The following CD247 variants were observed in gnomAD, a reference collection of about 807,000 sequenced individuals.
CD247 encodes the protein CD247 molecule.
A neutral mutation model predicts 30.0 loss-of-function variants in CD247; 13 were observed. The ratio of observed to expected loss-of-function variants is 0.43; its 90% CI spans 0.28 to 0.69. The LOEUF is 0.69. CD247 is among the 30% of genes least tolerant of loss of function. CD247 has a pLI of 0.16. For synonymous variants in CD247, 72 were observed against 80.0 expected, an observed-to-expected ratio of 0.90 and a Z score of 0.53; for missense variants, 193 against 212.6, an observed-to-expected ratio of 0.91 and a Z score of 0.57.
intron 1 of CD247, among the ~76,000 whole-genome samples, chr1:167,460,286 C>T (rs927022503): frequency 6.6e-6 from 1 of 152,112 alleles, no homozygotes; most frequent in Non-Finnish European, 1.5e-5. Flanking sequence ...CCTGTAGTCC[C>T]AGCTACTCGG....
At chr1:167,514,230 G>A (rs988457501) in intron 1 of CD247, among the ~76,000 whole-genome samples, 8 of 152,020 alleles carry the variant, frequency 5.3e-5, no homozygotes, top group African/African-American at 9.7e-5. Context: ...TCCGCCTCCC[G>A]GGTTCAAGGG....
At chr1:167,481,325 G>T (rs1653965729) in intron 1 of CD247, among the ~76,000 whole-genome samples, 1 of 152,170 alleles carries the variant, frequency 6.6e-6, no homozygotes, top group South Asian at 2.1e-4. Flanking sequence ...AAAGGAAACT[G>T]TCATTTATAG....
intron 1 of CD247, among the ~76,000 whole-genome samples, chr1:167,466,294 G>A (rs1341288840): frequency 6.6e-6 from 1 of 152,056 alleles, no homozygotes; most frequent in African/African-American, 2.4e-5. Context: ...ACAGTTTTCT[G>A]ACTATTTGCC....
chr1:167,445,707 C>G (rs143101880), intron 1 of CD247, among the ~76,000 whole-genome samples: 1 of 152,116 alleles, frequency 6.6e-6, no homozygotes, highest in Non-Finnish European at 1.5e-5. Context: ...CTGTCTGTCT[C>G]TGAGCCAGAC....
In CD247 at chr1:167,433,078, A is replaced by G; in HGVS notation, c.394-19T>C. 1.9e-6 allele frequency: 3 copies of G among 1,614,022 alleles called. No homozygotes were observed. Among genetic ancestry groups the G allele is most frequent in the Non-Finnish European group, 2.5e-6 (3 of 1,179,880 alleles). ...TCCGGCGCTGGTTGTTTGGGAGTGA[A>G]ATGAGAAAAGGATTAGAAAGTCAGG... On this transcript the variant is annotated intron_variant, in intron 6 of 7. Transcript: ENST00000362089.
At chr1:167,484,002 G>A (rs1654088847) in intron 1 of CD247, among the ~76,000 whole-genome samples, 1 of 152,252 alleles carries the variant, frequency 6.6e-6, no homozygotes, top group Non-Finnish European at 1.5e-5. Context: ...GTGTCCCACT[G>A]CTCTGCCACC....
intron 1 of CD247, among the ~76,000 whole-genome samples, chr1:167,492,106 CA>C (rs1262466381): frequency 6.6e-6 from 1 of 152,164 alleles, no homozygotes; most frequent in African/African-American, 2.4e-5. Context: ...TGCGCTTAAA[CA>C]TGGCTAAGAG....
At chr1:167,495,112 G>GA (rs1558026236) in intron 1 of CD247, among the ~76,000 whole-genome samples, 1 of 152,234 alleles carries the variant, frequency 6.6e-6, no homozygotes, top group South Asian at 2.1e-4. Context: ...TCCAGCGTAA[G>GA]AAAAAGTTTC....
At chr1:167,502,237 C>A (rs1437550721) in intron 1 of CD247, among the ~76,000 whole-genome samples, 1 of 152,344 alleles carries the variant, frequency 6.6e-6, no homozygotes, top group Admixed American at 6.5e-5. Context: ...GTCCTCAACA[C>A]CCATTGAGCC....
chr1:167,500,049 A>C (rs1483458847), intron 1 of CD247, among the ~76,000 whole-genome samples: 1 of 152,316 alleles, frequency 6.6e-6, no homozygotes, highest in African/African-American at 2.4e-5. Context: ...ATCACTGCCT[A>C]TGTAAAGCTT....
At chr1:167,459,451 C>T (rs969282071) in intron 1 of CD247, among the ~76,000 whole-genome samples, 2 of 145,058 alleles carry the variant, frequency 1.4e-5, no homozygotes, top group Non-Finnish European at 3.0e-5. Flanking sequence ...CTCCCGGGTT[C>T]AAGCGATTTT....
chr1:167,477,207 C>T (rs574143477), intron 1 of CD247, among the ~76,000 whole-genome samples: 1 of 152,298 alleles, frequency 6.6e-6, no homozygotes, highest in African/African-American at 2.4e-5. Flanking sequence ...AGGTTACTCT[C>T]CCTCCTCTAT....
chr1:167,467,160 A>G (rs1199130853), intron 1 of CD247, among the ~76,000 whole-genome samples: 1 of 152,206 alleles, frequency 6.6e-6, no homozygotes, highest in Admixed American at 6.5e-5. Flanking sequence ...TCAGTCCCAG[A>G]CCTGAACCAG....
At chr1:167,466,083 CT>C (rs1653230831) in intron 1 of CD247, among the ~76,000 whole-genome samples, 1 of 152,228 alleles carries the variant, frequency 6.6e-6, no homozygotes, top group African/African-American at 2.4e-5. Flanking sequence ...CTGGTTCAGT[CT>C]GCTGACAACA....
intron 1 of CD247, among the ~76,000 whole-genome samples, chr1:167,474,321 G>A (rs968596021): frequency 5.3e-5 from 8 of 152,108 alleles, no homozygotes; most frequent in Middle Eastern, 3.4e-3. Flanking sequence ...CACCAGCACA[G>A]TCAACGCATC....
chr1:167,499,212 A>G lies in CD247; in HGVS notation c.58+19196T>C, dbSNP rs142830251. ...TCACAACTTGGGGAGTGCTACTGTC[A>G]TCTAGTGGGTAGAGGTCAGGGATGC... On this transcript the variant is annotated intron_variant, in intron 1 of 7. Transcript: ENST00000362089. Among the ~76,000 whole-genome samples the G allele has an allele frequency of 1.8e-3, 268 of 152,318 alleles. 1 individual carries two copies. Among genetic ancestry groups the G allele is most frequent in the Non-Finnish European group, 3.1e-3 (213 of 68,028 alleles).
chr1:167,489,430 A>G lies in CD247; in HGVS notation c.58+28978T>C, dbSNP rs189226368. Among the ~76,000 whole-genome samples the G allele has an allele frequency of 2.3e-3, 351 of 152,290 alleles. 4 individuals carry two copies. The highest frequency in any genetic ancestry group is 0.01 in the Admixed American group (158 of 15,292). Reference sequence around the variant, plus strand: ...TGACACTCTCATTGAGATAGCAGCAATGCCCTATTTAGTGGTCTCTCAGCT... The same window carrying G: ...TGACACTCTCATTGAGATAGCAGCAGTGCCCTATTTAGTGGTCTCTCAGCT... On this transcript the variant is annotated intron_variant, in intron 1 of 7. Transcript: ENST00000362089.
chr1:167,454,046 T>C (rs1652505809), intron 1 of CD247, among the ~76,000 whole-genome samples: 1 of 152,230 alleles, frequency 6.6e-6, no homozygotes, highest in Non-Finnish European at 1.5e-5. Flanking sequence ...TATGTATATA[T>C]ACATAAAAAT....
intron 1 of CD247, among the ~76,000 whole-genome samples, chr1:167,517,582 G>A (rs998703614): frequency 6.6e-6 from 1 of 152,274 alleles, no homozygotes. Context: ...TGAGGAGCAA[G>A]CACTCTTGTT....
Sources: allele counts gnomAD v4.1 joint callset (sites outside exome capture counted in the v4.1 genomes callset), GRCh38; gene constraint gnomAD v4.1.1; transcripts MANE v1.5; gene names NCBI Gene and HGNC (gene_info 2026-07-23, HGNC 2026-07-21).